The following PLA2G5 variants were observed in gnomAD, a reference collection of about 807,000 sequenced individuals.
PLA2G5 encodes phospholipase A2 group V.
In PLA2G5, 12 loss-of-function variants were observed where a neutral mutation model predicts 15.9. The observed-to-expected ratio is 0.76, with a 90% CI of 0.48 to 1.23. The LOEUF is 1.23. Among genes scored for constraint, PLA2G5 ranks in the 50% most tolerant of loss-of-function variants. The pLI, the probability that PLA2G5 is intolerant of heterozygous loss-of-function variation, is 0.00. For synonymous variants in PLA2G5, 71 were observed against 71.4 expected (o/e 0.99, Z 0.03); for missense variants, 169 against 177.1 (o/e 0.95, Z 0.26).
rs117872346 is a variant in PLA2G5 at position 20,056,004 on chromosome 1, C to T, written n.277-3628C>T. Among the ~76,000 whole-genome samples, 56 of 152,274 alleles carry T rather than the reference C, an allele frequency of 3.7e-4. No individual in the cohort carries two copies. In the East Asian group the frequency reaches 9.1e-3, roughly 25 times the overall value. ...GGTAAGTATTTTCTGCATCTTGGCT[C>T]ACTCAACATTTATTCCAGCCTCCTG... On this transcript the variant is annotated intron_variant and non_coding_transcript_variant, in intron 1 of 6. Transcript: ENST00000460175.
chr1:20,046,390 A>AAAAC (rs112827004), intron 1 of PLA2G5, among the ~76,000 whole-genome samples: 12 of 152,342 alleles, frequency 7.9e-5, no homozygotes, highest in African/African-American at 2.6e-4. Flanking sequence ...AAAAGAGGAA[A>AAAAC]AAACAAACAA....
chr1:20,090,727 T>C lies in PLA2G5; in HGVS notation c.*35T>C, dbSNP rs1248102023. ...GCGAGCTCCTCCCAGACCAAGACTT[T>C]TGTTCTGTTTTTCTACAACACAGAG... On this transcript the variant is annotated 3_prime_UTR_variant, in exon 5 of 5. Coordinates refer to ENST00000375108, the MANE Select transcript of PLA2G5 (RefSeq NM_000929.3). The C allele has an allele frequency of 1.2e-6, 2 of 1,611,324 alleles. No homozygotes were observed. Among genetic ancestry groups the C allele is most frequent in the Admixed American group, 1.7e-5 (1 of 60,006 alleles).
intron 1 of PLA2G5, among the ~76,000 whole-genome samples, chr1:20,044,706 A>G (rs961662860): frequency 1.3e-5 from 2 of 152,094 alleles, no homozygotes; most frequent in African/African-American, 2.4e-5. Context: ...TGTAAGCCAG[A>G]CTGGGTGTGA....
At chr1:20,077,626 C>T (rs886787085) in intron 1 of PLA2G5, among the ~76,000 whole-genome samples, 1 of 152,226 alleles carries the variant, frequency 6.6e-6, no homozygotes, top group Non-Finnish European at 1.5e-5. Flanking sequence ...GTGCCAGGCA[C>T]TGTCCCGGGC....
chr1:20,046,254 T>A (rs1468366785), intron 1 of PLA2G5: 1 of 152,224 alleles, frequency 6.6e-6, no homozygotes, highest in African/African-American at 2.4e-5. Context: ...TTTGTTGTTG[T>A]TGTTTCTTCC....
Position 20,084,846 on chromosome 1 carries a change from C to T in PLA2G5, c.16C>T (p.Pro6Ser), listed in dbSNP as rs372172763. MKGLL[P>S]LAWFLACSVP... Reference sequence around the variant, plus strand: ...AACCCCAGAGATGAAAGGCCTCCTCCCACTGGCTTGGTTCCTGGCTTGTAG... The same window carrying T: ...AACCCCAGAGATGAAAGGCCTCCTCTCACTGGCTTGGTTCCTGGCTTGTAG... Residue 6 changes from proline (P) to serine (S), a missense_variant, in exon 2 of 5, where the codon CCA (proline) becomes TCA (serine). Coordinates refer to ENST00000375108, the MANE Select transcript of PLA2G5 (RefSeq NM_000929.3). 9 of 1,610,788 alleles carry T rather than the reference C, an allele frequency of 5.6e-6. No individual in the cohort carries two copies. Among genetic ancestry groups the T allele is most frequent in the Non-Finnish European group, 5.1e-6 (6 of 1,177,082 alleles).
At chr1:20,041,302 G>A (rs1034305536) in intron 1 of PLA2G5, among the ~76,000 whole-genome samples, 2 of 152,158 alleles carry the variant, frequency 1.3e-5, no homozygotes, top group Non-Finnish European at 2.9e-5. Flanking sequence ...TCTGTGTGAA[G>A]AGACCACCAA....
chr1:20,037,387 A>G (rs1013095158), intron 1 of PLA2G5, among the ~76,000 whole-genome samples: 1 of 152,158 alleles, frequency 6.6e-6, no homozygotes, highest in Admixed American at 6.5e-5. Flanking sequence ...GAACGCCTTC[A>G]AAGAGTCCTG....
chr1:20,028,861 G>A (rs924983128), intron 1 of PLA2G5, among the ~76,000 whole-genome samples: 21 of 152,194 alleles, frequency 1.4e-4, no homozygotes, highest in African/African-American at 4.6e-4. Flanking sequence ...TGTGCGATGG[G>A]GTTGCAGCTG....
chr1:20,030,244 G>A (rs1437099723), intron 1 of PLA2G5, among the ~76,000 whole-genome samples: 3 of 151,712 alleles, frequency 2.0e-5, no homozygotes, highest in Non-Finnish European at 1.5e-5. Flanking sequence ...GGGGGATGTG[G>A]CAGGACTATA....
chr1:20,058,201 C>G (rs1212153900), intron 1 of PLA2G5, among the ~76,000 whole-genome samples: 1 of 152,164 alleles, frequency 6.6e-6, no homozygotes, highest in African/African-American at 2.4e-5. Context: ...CTTGCTGGCT[C>G]TGTTCATTAC....
chr1:20,044,901 G>A (rs2013810505), intron 1 of PLA2G5, among the ~76,000 whole-genome samples: 1 of 152,052 alleles, frequency 6.6e-6, no homozygotes, highest in South Asian at 2.1e-4. Context: ...GGGACTGAGG[G>A]GACAGAGGGG....
upstream of PLA2G5, chr1:20,068,866 C>T (rs896538868): frequency 9.2e-7 from 1 of 1,089,140 alleles, no homozygotes; most frequent in East Asian, 5.8e-5. Context: ...GTGTTGCCTC[C>T]TGGAAGCCGC....
chr1:20,075,854 G>T (rs2015634720), intron 1 of PLA2G5, among the ~76,000 whole-genome samples: 1 of 149,544 alleles, frequency 6.7e-6, no homozygotes, highest in South Asian at 2.1e-4. Context: ...ATGTGGAAAT[G>T]TGGATTTCTT....
At chr1:20,083,877 C>T (rs2016157666) in intron 1 of PLA2G5, among the ~76,000 whole-genome samples, 1 of 151,706 alleles carries the variant, frequency 6.6e-6, no homozygotes, top group Non-Finnish European at 1.5e-5. Context: ...GTAATACCTA[C>T]CCTGCAGCAC....
At chr1:20,087,318 CT>C (rs1359815040) in intron 3 of PLA2G5, among the ~76,000 whole-genome samples, 3 of 152,156 alleles carry the variant, frequency 2.0e-5, no homozygotes, top group Admixed American at 1.3e-4. Context: ...TCCAGGACCC[CT>C]GTGAATACCA....
intron 1 of PLA2G5, among the ~76,000 whole-genome samples, chr1:20,071,740 C>T (rs2100538679): frequency 6.6e-6 from 1 of 152,240 alleles, no homozygotes; most frequent in East Asian, 1.9e-4. Flanking sequence ...TAGGATGTCC[C>T]CATAGCTTGC....
intron 1 of PLA2G5, among the ~76,000 whole-genome samples, chr1:20,035,686 C>G (rs1312862111): frequency 6.6e-6 from 1 of 152,114 alleles, no homozygotes; most frequent in Non-Finnish European, 1.5e-5. Context: ...CATTCTGTAT[C>G]TTTTAAGTAG....
chr1:20,043,131 A>G (rs1485205422), intron 1 of PLA2G5, among the ~76,000 whole-genome samples: 1 of 152,094 alleles, frequency 6.6e-6, no homozygotes, highest in Admixed American at 6.5e-5. Context: ...AGGGGCTGGG[A>G]TGAGGGGTGT....
Sources: allele counts gnomAD v4.1 joint callset (sites outside exome capture counted in the v4.1 genomes callset), GRCh38; gene constraint gnomAD v4.1.1; transcripts MANE v1.5; gene names NCBI Gene and HGNC (gene_info 2026-07-23, HGNC 2026-07-21).